GLRA3: variants seen among roughly 807,000 people sequenced by gnomAD.
GLRA3 encodes glycine receptor alpha 3, also known as glycine receptor subunit alpha-3.
In GLRA3, 44 loss-of-function variants were observed where a neutral mutation model predicts 60.4. The ratio of observed to expected loss-of-function variants is 0.73; its 90% confidence interval spans 0.57 to 0.94. The LOEUF is 0.94. GLRA3 is among the 40% of genes least tolerant of loss of function. The pLI is 0.00. For missense variants in GLRA3, 508 were observed against 564.6 expected (o/e 0.90, Z 1.02); for synonymous variants, 223 against 192.9 (o/e 1.16, Z -1.29).
At chr4:174,673,480 CAA>C (rs1733986730) in intron 7 of GLRA3, among the ~76,000 whole-genome samples, 1 of 152,076 alleles carries the variant, frequency 6.6e-6, no homozygotes, top group South Asian at 2.1e-4. Context: ...GCTGAGATCT[CAA>C]AGAGTTTGGG....
Position 174,806,261 on chromosome 4 carries a change from CA to C in GLRA3, c.72-17319del, listed in dbSNP as rs1388739450. Among the ~76,000 whole-genome samples the C allele has an allele frequency of 2.6e-5, 4 of 152,154 alleles. No individual in the cohort carries two copies. The East Asian group carries it at 7.7e-4, about 29-fold the overall frequency. Reference sequence around the variant, plus strand: ...TGCATGCGTAAGACTTTCAAAAAAACAAGGTGTAATTCCCCAAAACAACTAA... The same window carrying C: ...TGCATGCGTAAGACTTTCAAAAAAACAGGTGTAATTCCCCAAAACAACTAA... On this transcript the variant is annotated intron_variant, in intron 1 of 9. Coordinates refer to ENST00000274093, the MANE Select transcript of GLRA3 (RefSeq NM_006529.4).
intron 3 of GLRA3, among the ~76,000 whole-genome samples, chr4:174,762,558 A>T (rs188647975): frequency 1.3e-3 from 200 of 152,262 alleles, no homozygotes; most frequent in Non-Finnish European, 9.7e-4. Flanking sequence ...TGCTGTAGAC[A>T]TTCATAGTCC....
chr4:174,674,499 G>A (rs1452348784), intron 7 of GLRA3, among the ~76,000 whole-genome samples: 3 of 152,274 alleles, frequency 2.0e-5, no homozygotes, highest in African/African-American at 7.2e-5. Flanking sequence ...GAAAATATCA[G>A]AGAGGAATAT....
intron 7 of GLRA3, among the ~76,000 whole-genome samples, chr4:174,671,011 C>A (rs530628522): frequency 6.6e-6 from 1 of 151,536 alleles, no homozygotes; most frequent in South Asian, 2.1e-4. Flanking sequence ...TTCTTTTTCC[C>A]CTTTTTTCTA....
chr4:174,808,826 C>A (rs981024436), intron 1 of GLRA3, among the ~76,000 whole-genome samples: 5 of 151,806 alleles, frequency 3.3e-5, no homozygotes, highest in African/African-American at 1.2e-4. Flanking sequence ...TAGACAAAAG[C>A]TTATAGAATA....
rs556861323 is a variant in GLRA3, at chr4:174,732,434, T to A, written c.268-3736A>T. Among the ~76,000 whole-genome samples the A allele has an allele frequency of 1.6e-3, 248 of 152,120 alleles. 1 individual carries two copies. Among genetic ancestry groups the A allele is most frequent in the African/African-American group, 5.8e-3 (239 of 41,530 alleles). On this transcript the variant is annotated intron_variant, in intron 3 of 9. Coordinates refer to ENST00000274093, the MANE Select transcript of GLRA3 (RefSeq NM_006529.4). Reference sequence around the variant, plus strand: ...TATGCACACTCAGGATACAAACATTTTAGTTCAAAATACAAAACTTAAATC... The same window carrying A: ...TATGCACACTCAGGATACAAACATTATAGTTCAAAATACAAAACTTAAATC...
rs778978473 is a variant in GLRA3, at chr4:174,682,890, G to A, written c.624C>T (p.Pro208=). The A allele has an allele frequency of 2.4e-5, 38 of 1,611,988 alleles. 1 individual carries two copies. Among genetic ancestry groups the A allele is most frequent in the South Asian group, 8.8e-5 (8 of 91,032 alleles). The part of the protein sequence containing the change: ...DLIFEWQDEA[P]VQVAEGLTLP... ...AAGTGAGTCCTTCTGCCACTTGTAC[G>A]GGTGCCTCATCTTGCCATTCAAAAA... is the stretch of plus-strand genomic sequence containing the variant. Residue 208 remains proline (P), a synonymous_variant, in exon 6 of 10, where the codon CCC becomes CCT. Coordinates refer to ENST00000274093, the MANE Select transcript of GLRA3 (RefSeq NM_006529.4).
At chr4:174,827,508 T>A (rs1030549740) in intron 1 of GLRA3, among the ~76,000 whole-genome samples, 1 of 151,766 alleles carries the variant, frequency 6.6e-6, no homozygotes, top group Non-Finnish European at 1.5e-5. Context: ...TTCAGAAATA[T>A]AAAAGCTCCA....
At chr4:174,791,955 G>A (rs1739363377) in intron 1 of GLRA3, among the ~76,000 whole-genome samples, 1 of 152,108 alleles carries the variant, frequency 6.6e-6, no homozygotes, top group African/African-American at 2.4e-5. Context: ...TAGCTTAGAG[G>A]TCAGCTACTA....
intron 2 of GLRA3, among the ~76,000 whole-genome samples, chr4:174,775,679 A>C (rs1738569449): frequency 6.6e-6 from 1 of 152,208 alleles, no homozygotes; most frequent in Non-Finnish European, 1.5e-5. Context: ...AAAATATTCT[A>C]GTGAAATAAT....
chr4:174,725,808 A>T (rs1736300325), intron 4 of GLRA3, among the ~76,000 whole-genome samples: 2 of 152,134 alleles, frequency 1.3e-5, no homozygotes, highest in Admixed American at 6.6e-5. Context: ...GGATGTTGCT[A>T]TCAGTTGATT....
At chr4:174,792,114 GC>G (rs931190872) in intron 1 of GLRA3, among the ~76,000 whole-genome samples, 3 of 152,332 alleles carry the variant, frequency 2.0e-5, no homozygotes, top group Non-Finnish European at 1.5e-5. Context: ...CTAAAAGTCA[GC>G]CAGAGTTGAG....
At chr4:174,693,867 T>C (rs1209850582) in intron 5 of GLRA3, among the ~76,000 whole-genome samples, 1 of 152,058 alleles carries the variant, frequency 6.6e-6, no homozygotes, top group African/African-American at 2.4e-5. Flanking sequence ...TGACACCCAC[T>C]GCTCAAAGTA....
intron 3 of GLRA3, among the ~76,000 whole-genome samples, chr4:174,753,500 T>A (rs1468225460): frequency 6.6e-6 from 1 of 152,150 alleles, no homozygotes; most frequent in Non-Finnish European, 1.5e-5. Context: ...TGCTGCCCAT[T>A]TTATCTTTAG....
Position 174,641,470 on chromosome 4 carries a change from A to G in GLRA3, c.*2316T>C, listed in dbSNP as rs1350830213. ...CCTTGTCACTGTTGCCTTGTGAGTG[A>G]AAGCTGTTAAAGTATTTTCTTAGTG... On this transcript the variant is annotated 3_prime_UTR_variant, in exon 10 of 10. Coordinates refer to ENST00000274093, the MANE Select transcript of GLRA3 (RefSeq NM_006529.4). 6.6e-6 allele frequency: 1 copy of G among 152,068 alleles called. No homozygotes were observed. Among genetic ancestry groups the G allele is most frequent in the Non-Finnish European group, 1.5e-5 (1 of 67,968 alleles). 9.4% of individuals were successfully genotyped at this position (152,068 alleles called of 1,614,324 possible).
chr4:174,819,818 A>G (rs1301229856), intron 1 of GLRA3, among the ~76,000 whole-genome samples: 1 of 152,220 alleles, frequency 6.6e-6, no homozygotes, highest in Non-Finnish European at 1.5e-5. Context: ...GAACTCTGAT[A>G]GGTGCAATAG....
At chr4:174,698,961 C>A (rs1735183531) in intron 5 of GLRA3, among the ~76,000 whole-genome samples, 1 of 151,844 alleles carries the variant, frequency 6.6e-6, no homozygotes, top group African/African-American at 2.4e-5. Flanking sequence ...ATATATAAAG[C>A]CACATTGTTC....
At chr4:174,715,345 T>C in intron 5 of GLRA3, 143 bp downstream of exon 5, 1 of 533,350 alleles carries the variant, frequency 1.9e-6, no homozygotes, top group South Asian at 2.9e-5. Flanking sequence ...ATCATTATTT[T>C]CAGTACCTGG....
chr4:174,766,157 A>T (rs1159917608), intron 3 of GLRA3, among the ~76,000 whole-genome samples: 2 of 151,994 alleles, frequency 1.3e-5, no homozygotes, highest in Non-Finnish European at 2.9e-5. Context: ...ATAAATCCTT[A>T]AGTATTTTAT....
Sources: gnomAD v4.1 joint callset for allele counts (sites outside exome capture counted in the v4.1 genomes callset) on GRCh38, gnomAD v4.1.1 for gene constraint, MANE v1.5 for transcripts, NCBI Gene and HGNC (gene_info 2026-07-23, HGNC 2026-07-21) for gene names.